The following TACR3 variants were observed in gnomAD, a reference collection of about 807,000 sequenced individuals.
TACR3 encodes the protein tachykinin receptor 3, also known as neuromedin-K receptor.
A neutral mutation model predicts 35.0 loss-of-function variants in TACR3; 34 were observed. The observed-to-expected ratio is 0.97, with a 90% confidence interval of 0.74 to 1.30. The LOEUF (loss-of-function observed/expected upper bound fraction) is 1.30, where lower values mean the gene tolerates loss of function less well. Ranked by LOEUF, TACR3 falls within the 50% of genes most tolerant of loss-of-function variation. TACR3 has a pLI of 0.00. For missense variants in TACR3, 558 were observed against 591.7 expected (o/e 0.94, Z 0.59); for synonymous variants, 233 against 221.1 (o/e 1.05, Z -0.48).
chr4:103,637,019 G>A (rs1051269868), intron 3 of TACR3, among the ~76,000 whole-genome samples: 3 of 152,076 alleles, frequency 2.0e-5, no homozygotes, highest in African/African-American at 4.8e-5. Flanking sequence ...ACAAGGAGGA[G>A]CTGGTACCAT....
At chr4:103,593,805 C>G (rs2110284412) in intron 3 of TACR3, among the ~76,000 whole-genome samples, 1 of 152,238 alleles carries the variant, frequency 6.6e-6, no homozygotes, top group Admixed American at 6.6e-5. Flanking sequence ...CCAGCCCTCC[C>G]AGAACCTCTT....
At chr4:103,701,700 A>G (rs946404936) in intron 1 of TACR3, among the ~76,000 whole-genome samples, 9 of 152,206 alleles carry the variant, frequency 5.9e-5, no homozygotes, top group African/African-American at 2.2e-4. Context: ...ACCAAAACAG[A>G]GATATAGATC....
At chr4:103,643,328 G>C (rs1252583007) in intron 3 of TACR3, among the ~76,000 whole-genome samples, 3 of 151,684 alleles carry the variant, frequency 2.0e-5, no homozygotes, top group Non-Finnish European at 4.4e-5. Flanking sequence ...GGACAGCACT[G>C]TTCTAGAGTA....
intron 3 of TACR3, among the ~76,000 whole-genome samples, chr4:103,606,577 C>CT (rs1247150841): frequency 1.3e-5 from 2 of 152,056 alleles, no homozygotes; most frequent in African/African-American, 4.8e-5. Context: ...ATTTTATTTT[C>CT]TTTGAAGCAA....
At chr4:103,712,237 T>A (rs1722982241) in intron 1 of TACR3, among the ~76,000 whole-genome samples, 1 of 152,168 alleles carries the variant, frequency 6.6e-6, no homozygotes, top group Non-Finnish European at 1.5e-5. Flanking sequence ...GCTACCTGAC[T>A]TCAAACTATA....
At chr4:103,703,561 A>G (rs537553891) in intron 1 of TACR3, among the ~76,000 whole-genome samples, 98 of 152,160 alleles carry the variant, frequency 6.4e-4, no homozygotes, top group Admixed American at 2.0e-3. Context: ...CTGAGTCTAG[A>G]ATTAGATTAA....
rs761375986 is a variant in TACR3 at position 103,591,691 on chromosome 4, G to GA, written c.889-9dup. 3.1e-6 allele frequency: 5 copies of GA among 1,606,926 alleles called. No individual in the cohort carries two copies. The highest frequency in any genetic ancestry group is 1.7e-5 in the Admixed American group (1 of 59,340). Reference sequence around the variant, plus strand: ...AATCATCATTTTGACAACCTATAAAGAAAAAAAGTCATTTTTGACAAATAT... The same window carrying GA: ...AATCATCATTTTGACAACCTATAAAGAAAAAAAAGTCATTTTTGACAAATAT... On this transcript the variant is annotated splice_polypyrimidine_tract_variant and intron_variant, in intron 3 of 4. Transcript: ENST00000304883.
At chr4:103,704,105 C>T (rs1374693567) in intron 1 of TACR3, among the ~76,000 whole-genome samples, 6 of 64,612 alleles carry the variant, frequency 9.3e-5, no homozygotes, top group Non-Finnish European at 1.7e-4. Context: ...CTCTATCTCA[C>T]AAAAAAAAAA....
intron 3 of TACR3, among the ~76,000 whole-genome samples, chr4:103,638,799 C>G (rs558438229): frequency 6.6e-6 from 1 of 152,066 alleles, no homozygotes; most frequent in Non-Finnish European, 1.5e-5. Context: ...AGACACTTCT[C>G]AAAAGAAGAC....
intron 1 of TACR3, among the ~76,000 whole-genome samples, chr4:103,697,190 C>T (rs951938140): frequency 2.0e-5 from 3 of 152,090 alleles, no homozygotes; most frequent in African/African-American, 7.2e-5. Context: ...GATCAGTAAC[C>T]AATCAGTGAC....
At chr4:103,701,260 C>A (rs1722642994) in intron 1 of TACR3, among the ~76,000 whole-genome samples, 1 of 151,748 alleles carries the variant, frequency 6.6e-6, no homozygotes, top group Non-Finnish European at 1.5e-5. Flanking sequence ...CAATAACAGA[C>A]AAACAGAGAG....
At chr4:103,668,023 G>T (rs937204946) in intron 1 of TACR3, among the ~76,000 whole-genome samples, 1 of 152,058 alleles carries the variant, frequency 6.6e-6, no homozygotes, top group Non-Finnish European at 1.5e-5. Flanking sequence ...GAGATAGTGG[G>T]ATCTCACCAT....
intron 3 of TACR3, among the ~76,000 whole-genome samples, chr4:103,612,971 G>A (rs1433725217): frequency 6.6e-6 from 1 of 152,178 alleles, no homozygotes; most frequent in African/African-American, 2.4e-5. Context: ...GAGTTGTGAT[G>A]CCCTAGATAA....
chr4:103,711,251 C>T (rs559384206), intron 1 of TACR3, among the ~76,000 whole-genome samples: 3 of 152,276 alleles, frequency 2.0e-5, no homozygotes, highest in South Asian at 2.1e-4. Flanking sequence ...CAATAAAATA[C>T]TGGCAAACAG....
chr4:103,645,380 T>C (rs759928439), intron 3 of TACR3, among the ~76,000 whole-genome samples: 1 of 152,008 alleles, frequency 6.6e-6, no homozygotes, highest in African/African-American at 2.4e-5. Context: ...ATTTAGTTTA[T>C]AGGCTAAATC....
At chr4:103,711,825 T>A (rs1226035469) in intron 1 of TACR3, among the ~76,000 whole-genome samples, 1 of 152,094 alleles carries the variant, frequency 6.6e-6, no homozygotes, top group Non-Finnish European at 1.5e-5. Flanking sequence ...TGTGCAAAAA[T>A]CACAAGCATA....
chr4:103,619,990 C>T (rs2110303207), intron 3 of TACR3, among the ~76,000 whole-genome samples: 1 of 151,886 alleles, frequency 6.6e-6, no homozygotes, highest in East Asian at 1.9e-4. Flanking sequence ...AGGATATTCA[C>T]AAACTATGTA....
chr4:103,686,829 T>C (rs1722253387), intron 1 of TACR3, among the ~76,000 whole-genome samples: 1 of 152,134 alleles, frequency 6.6e-6, no homozygotes, highest in Non-Finnish European at 1.5e-5. Flanking sequence ...AAGGAGGAAC[T>C]GGTACCATTC....
chr4:103,595,156 T>C (rs1723978660), intron 3 of TACR3, among the ~76,000 whole-genome samples: 1 of 152,218 alleles, frequency 6.6e-6, no homozygotes. Context: ...TATGAGCAGT[T>C]ACCACTGTAT....
Sources: gnomAD v4.1 joint callset for allele counts (sites outside exome capture counted in the v4.1 genomes callset) on GRCh38, gnomAD v4.1.1 for gene constraint, MANE v1.5 for transcripts, NCBI Gene and HGNC (gene_info 2026-07-23, HGNC 2026-07-21) for gene names.